The following KCND2 variants were observed in gnomAD, a reference collection of about 807,000 sequenced individuals.
KCND2 encodes the protein A-type voltage-gated potassium channel KCND2.
A neutral mutation model predicts 54.4 loss-of-function variants in KCND2; 16 were observed. The observed-to-expected ratio is 0.29, with a 90% CI of 0.20 to 0.45. The LOEUF (loss-of-function observed/expected upper bound fraction) is 0.45. Ranked by LOEUF, KCND2 falls within the 20% of genes least tolerant of loss-of-function variation. KCND2 has a pLI of 1.00. For synonymous variants in KCND2, 317 were observed against 310.7 expected (o/e 1.02, Z -0.21); for missense variants, 486 against 824.2 (o/e 0.59, Z 5.02).
chr7:120,419,469 T>C (rs1460525169), intron 1 of KCND2, among the ~76,000 whole-genome samples: 1 of 152,236 alleles, frequency 6.6e-6, no homozygotes, highest in East Asian at 1.9e-4. Context: ...CAAGTCTTTT[T>C]GTATACTAAG....
chr7:120,688,579 C>T (rs1792232540), intron 1 of KCND2, among the ~76,000 whole-genome samples: 1 of 152,142 alleles, frequency 6.6e-6, no homozygotes, highest in Admixed American at 6.6e-5. Flanking sequence ...TCCTGATCTC[C>T]TTGAAGCTTC....
chr7:120,595,612 T>TATATATACAC (rs1491578174), intron 1 of KCND2, among the ~76,000 whole-genome samples: 1 of 142,538 alleles, frequency 7.0e-6, no homozygotes, highest in Non-Finnish European at 1.5e-5. Context: ...TATATATATA[T>TATATATACAC]ACACCAGAAC....
chr7:120,434,178 G>A (rs566382123), intron 1 of KCND2, among the ~76,000 whole-genome samples: 12 of 152,240 alleles, frequency 7.9e-5, no homozygotes, highest in South Asian at 6.2e-4. Context: ...ACCATTCACC[G>A]TCTTACTCCC....
At chr7:120,586,478 T>G (rs1792602199) in intron 1 of KCND2, among the ~76,000 whole-genome samples, 2 of 152,168 alleles carry the variant, frequency 1.3e-5, no homozygotes, top group Non-Finnish European at 2.9e-5. Context: ...CAAAAATTAT[T>G]ATAAAGGAAT....
chr7:120,301,115 T>C (rs577275869), intron 1 of KCND2, among the ~76,000 whole-genome samples: 1 of 152,174 alleles, frequency 6.6e-6, no homozygotes, highest in South Asian at 2.1e-4. Flanking sequence ...CAATAACAAA[T>C]AACAAATAAT....
intron 1 of KCND2, among the ~76,000 whole-genome samples, chr7:120,354,856 T>C (rs1800475223): frequency 6.6e-6 from 1 of 152,208 alleles, no homozygotes; most frequent in Admixed American, 6.5e-5. Context: ...AGAAAACCCA[T>C]AACATTGTAT....
In KCND2 at chr7:120,673,588, G is replaced by A. The variant is rs1389403649; in HGVS notation, c.1116-59315G>A. Among the ~76,000 whole-genome samples the A allele has an allele frequency of 3.3e-5, 5 of 152,124 alleles. No individual in the cohort carries two copies. In the East Asian group the frequency reaches 9.7e-4, roughly 29 times the overall value. ...TATCATTATTTCCCACTTAAATGTT[G>A]TATCAACCTCCTTGCTGGTTTCCCA... is the stretch of plus-strand genomic sequence containing the variant. On this transcript the variant is annotated intron_variant, in intron 1 of 5. Transcript: ENST00000331113.
At chr7:120,663,908 A>G (rs1052790049) in intron 1 of KCND2, among the ~76,000 whole-genome samples, 1 of 152,202 alleles carries the variant, frequency 6.6e-6, no homozygotes, top group Non-Finnish European at 1.5e-5. Flanking sequence ...ACATTAGAGT[A>G]CTTGTGCTCA....
intron 1 of KCND2, among the ~76,000 whole-genome samples, chr7:120,466,156 T>C (rs1297939785): frequency 6.6e-6 from 1 of 152,178 alleles, no homozygotes; most frequent in African/African-American, 2.4e-5. Context: ...AAATGTGTTC[T>C]TGGAGAAAAA....
intron 1 of KCND2, among the ~76,000 whole-genome samples, chr7:120,465,146 A>G (rs1481398985): frequency 6.6e-6 from 1 of 152,302 alleles, no homozygotes; most frequent in East Asian, 1.9e-4. Context: ...TTTGGAGGAA[A>G]GGACAGAGAC....
chr7:120,316,568 A>G (rs1386387998), intron 1 of KCND2, among the ~76,000 whole-genome samples: 1 of 152,104 alleles, frequency 6.6e-6, no homozygotes, highest in Non-Finnish European at 1.5e-5. Flanking sequence ...TTTTTATTCC[A>G]ATGGATTTAT....
At chr7:120,444,872 A>G (rs1235333751) in intron 1 of KCND2, among the ~76,000 whole-genome samples, 1 of 152,118 alleles carries the variant, frequency 6.6e-6, no homozygotes, top group African/African-American at 2.4e-5. Flanking sequence ...AACATCAATG[A>G]AATTCATATG....
intron 1 of KCND2, among the ~76,000 whole-genome samples, chr7:120,385,070 G>A (rs1383498404): frequency 1.5e-5 from 2 of 130,924 alleles, no homozygotes; most frequent in African/African-American, 2.9e-5. Context: ...GCAGTGGCAC[G>A]ATCTTGGTTC....
chr7:120,315,241 TA>T (rs1386150879), intron 1 of KCND2, among the ~76,000 whole-genome samples: 1 of 152,182 alleles, frequency 6.6e-6, no homozygotes. Context: ...TTGACAGGCT[TA>T]ACTCTCAACC....
chr7:120,470,627 G>T (rs896175445), intron 1 of KCND2, among the ~76,000 whole-genome samples: 11 of 151,950 alleles, frequency 7.2e-5, no homozygotes, highest in Non-Finnish European at 1.6e-4. Flanking sequence ...ATAGTAAATT[G>T]AAATGAGGAA....
At chr7:120,358,871 A>G (rs61104791) in intron 1 of KCND2, among the ~76,000 whole-genome samples, 2,048 of 152,316 alleles carry the variant, frequency 0.013, 47 homozygotes, top group African/African-American at 0.044. Flanking sequence ...TTTCACAACT[A>G]TATGCAAATA....
chr7:120,315,391 C>T (rs967418113), intron 1 of KCND2, among the ~76,000 whole-genome samples: 7 of 152,156 alleles, frequency 4.6e-5, no homozygotes, highest in Non-Finnish European at 1.0e-4. Context: ...TTCTCAGTGT[C>T]TCTAGGCGGT....
At chr7:120,729,478 C>A (rs1282621390) in intron 1 of KCND2, among the ~76,000 whole-genome samples, 2 of 152,198 alleles carry the variant, frequency 1.3e-5, no homozygotes, top group East Asian at 3.9e-4. Flanking sequence ...CAGCCAAGGG[C>A]TCAGGCTGTC....
At chr7:120,315,288 T>C (rs990093826) in intron 1 of KCND2, among the ~76,000 whole-genome samples, 1 of 152,162 alleles carries the variant, frequency 6.6e-6, no homozygotes, top group African/African-American at 2.4e-5. Context: ...AAGAGTTTTC[T>C]GTGGGAATTT....
Sources: gnomAD v4.1 joint callset for allele counts (sites outside exome capture counted in the v4.1 genomes callset) on GRCh38, gnomAD v4.1.1 for gene constraint, MANE v1.5 for transcripts, NCBI Gene and HGNC (gene_info 2026-07-23, HGNC 2026-07-21) for gene names.